The following BCKDHB variants were observed in gnomAD, a reference collection of about 807,000 sequenced individuals.
The protein encoded by BCKDHB is 2-oxoisovalerate dehydrogenase subunit beta, mitochondrial.
Under a neutral mutation model 48.5 loss-of-function variants are expected in BCKDHB, and 41 were observed. The observed-to-expected ratio is 0.85, with a 90% confidence interval of 0.66 to 1.10. BCKDHB has a LOEUF of 1.10. BCKDHB is among the 50% of genes least tolerant of loss of function. The probability of loss-of-function intolerance (pLI) is 0.00; values close to 1 mark genes in which losing one functional copy is unlikely to be tolerated. For missense variants in BCKDHB, 496 were observed against 494.2 expected (o/e 1.00, Z -0.03); for synonymous variants, 201 against 174.8 (o/e 1.15, Z -1.18).
At chr6:80,277,697 G>A (rs909829413) in intron 9 of BCKDHB, among the ~76,000 whole-genome samples, 2 of 146,986 alleles carry the variant, frequency 1.4e-5, no homozygotes, top group Non-Finnish European at 3.0e-5. Context: ...GAAGCAATAA[G>A]TCTGCAATAA....
chr6:80,440,417 T>C, the BCKDHB span, among the ~76,000 whole-genome samples: 1 of 152,142 alleles, frequency 6.6e-6, no homozygotes, highest in Non-Finnish European at 1.5e-5. Flanking sequence ...AGAGAATGGA[T>C]GGACAGCTTC....
chr6:80,290,890 T>C (rs763373954), intron 9 of BCKDHB, among the ~76,000 whole-genome samples: 6 of 152,134 alleles, frequency 3.9e-5, no homozygotes, highest in African/African-American at 7.2e-5. Flanking sequence ...TTAGAACACA[T>C]AGGGGTAACT....
At chr6:80,127,762 A>G in intron 2 of BCKDHB, 138 bp downstream of exon 2, 1 of 847,698 alleles carries the variant, frequency 1.2e-6, no homozygotes, top group Non-Finnish European at 2.1e-6. Flanking sequence ...GGGCTAAATA[A>G]TCAAATTGCA....
intron 9 of BCKDHB, among the ~76,000 whole-genome samples, chr6:80,329,313 A>T (rs1307066655): frequency 2.6e-5 from 4 of 152,166 alleles, no homozygotes; most frequent in African/African-American, 9.7e-5. Flanking sequence ...GCTCATATTG[A>T]TAGTGTGTTT....
chr6:80,227,744 G>C (rs901094798), intron 8 of BCKDHB, among the ~76,000 whole-genome samples: 5 of 152,132 alleles, frequency 3.3e-5, no homozygotes, highest in African/African-American at 1.2e-4. Context: ...TGAAAGTGTT[G>C]AGCTTGAGGT....
intron 9 of BCKDHB, among the ~76,000 whole-genome samples, chr6:80,337,300 C>T (rs140327461): frequency 6.6e-6 from 1 of 152,078 alleles, no homozygotes; most frequent in Non-Finnish European, 1.5e-5. Flanking sequence ...TGTGAGTTCA[C>T]GGACTTCAAA....
chr6:80,168,406 A>AAGGAAAG (rs1554189617), intron 4 of BCKDHB, among the ~76,000 whole-genome samples: 7 of 89,794 alleles, frequency 7.8e-5, no homozygotes, highest in African/African-American at 2.7e-4. Context: ...GAAAGAAGGG[A>AAGGAAAG]AGGGAGGGAG....
At position 80,106,817 on chromosome 6, in the gene BCKDHB, G is replaced by A; in HGVS notation, c.124G>A (p.Val42Ile). 6.2e-7 allele frequency: 1 copy of A among 1,609,254 alleles called. No homozygotes were observed. The highest frequency in any genetic ancestry group is 8.5e-7 in the Non-Finnish European group (1 of 1,178,386). ...GGGCTTTTTGCACCCCGCCGCGACTGTCGAGGATGCGGCCCAGAGGCGGCA... is the reference window on the plus strand; with the variant it reads ...GGGCTTTTTGCACCCCGCCGCGACTATCGAGGATGCGGCCCAGAGGCGGCA... ...ARGFLHPAATVEDAAQRRQVA... is the reference protein window; with the variant it reads ...ARGFLHPAATIEDAAQRRQVA... The change falls in exon 1 of 10, where the codon GTC becomes ATC. Residue 42 changes from valine to isoleucine, a missense_variant. Val to Ile is a conservative substitution (Grantham distance 29). Coordinates refer to ENST00000320393, the MANE Select transcript of BCKDHB (RefSeq NM_183050.4).
chr6:80,420,086 G>A, the BCKDHB span, among the ~76,000 whole-genome samples: 3 of 151,930 alleles, frequency 2.0e-5, no homozygotes, highest in East Asian at 1.9e-4. Context: ...GTGTTCTCTT[G>A]TAGCTCACTG....
At chr6:80,454,683 G>A in the BCKDHB span, among the ~76,000 whole-genome samples, 3 of 152,232 alleles carry the variant, frequency 2.0e-5, no homozygotes, top group South Asian at 6.2e-4. Context: ...TTTCCAGATG[G>A]GTCCCAAGGA....
chr6:80,248,962 C>T (rs2127931270), intron 8 of BCKDHB, among the ~76,000 whole-genome samples: 1 of 150,652 alleles, frequency 6.6e-6, no homozygotes, highest in Non-Finnish European at 1.5e-5. Context: ...CCAGAATAGC[C>T]ATAGTGGTGT....
chr6:80,265,899 A>G (rs1161357973), intron 8 of BCKDHB, among the ~76,000 whole-genome samples: 1 of 152,144 alleles, frequency 6.6e-6, no homozygotes, highest in Non-Finnish European at 1.5e-5. Context: ...TTTGCCAAAT[A>G]CTGTGCAGTA....
the BCKDHB span, among the ~76,000 whole-genome samples, chr6:80,391,468 G>T: frequency 6.6e-6 from 1 of 152,138 alleles, no homozygotes; most frequent in Non-Finnish European, 1.5e-5. Context: ...GAGCATCAGA[G>T]ATTGGAGTGA....
At chr6:80,420,586 T>A in the BCKDHB span, among the ~76,000 whole-genome samples, 1 of 152,300 alleles carries the variant, frequency 6.6e-6, no homozygotes, top group African/African-American at 2.4e-5. Flanking sequence ...CTGGAACTCA[T>A]GTGTGTTGTG....
the BCKDHB span, among the ~76,000 whole-genome samples, chr6:80,365,304 T>A: frequency 6.6e-6 from 1 of 152,046 alleles, no homozygotes. Flanking sequence ...GACCACAAAT[T>A]TACCAGGGCA....
intron 8 of BCKDHB, among the ~76,000 whole-genome samples, chr6:80,203,432 T>A (rs948478791): frequency 6.6e-6 from 1 of 152,246 alleles, no homozygotes; most frequent in South Asian, 2.1e-4. Context: ...GTTTCCTTTG[T>A]TTAAAATATT....
At chr6:80,134,664 G>A (rs1162819235) in intron 3 of BCKDHB, among the ~76,000 whole-genome samples, 3 of 151,886 alleles carry the variant, frequency 2.0e-5, no homozygotes, top group Non-Finnish European at 2.9e-5. Flanking sequence ...AGTTGTTATA[G>A]CATTTTGGAA....
At chr6:80,411,403 C>T in the BCKDHB span, among the ~76,000 whole-genome samples, 2 of 152,208 alleles carry the variant, frequency 1.3e-5, no homozygotes, top group Non-Finnish European at 1.5e-5. Flanking sequence ...GTCTCCCAGT[C>T]AGGCTACATG....
Position 80,169,087 on chromosome 6 carries a change from T to C in BCKDHB, c.633+57T>C, listed in dbSNP as rs75398868. Reference sequence around the variant, plus strand: ...TATTTGATGTTTCCATTTTGATTCATTCTATTTAATATCTATGCTTATCTA... The same window carrying C: ...TATTTGATGTTTCCATTTTGATTCACTCTATTTAATATCTATGCTTATCTA... On this transcript the variant is annotated intron_variant, in intron 5 of 9. Transcript: ENST00000320393. 4,151 of 1,576,408 alleles carry C rather than the reference T, an allele frequency of 2.6e-3. 87 individuals are homozygous for C. In the African/African-American group the frequency reaches 0.05, roughly 19 times the overall value.
Sources: gnomAD v4.1 joint callset for allele counts (sites outside exome capture counted in the v4.1 genomes callset) on GRCh38, gnomAD v4.1.1 for gene constraint, MANE v1.5 for transcripts, NCBI Gene and HGNC (gene_info 2026-07-23, HGNC 2026-07-21) for gene names.